The following TRIB3 variants were observed in gnomAD, a reference collection of about 807,000 sequenced individuals.
The protein encoded by TRIB3 is tribbles homolog 3.
In TRIB3, 20 loss-of-function variants were observed where a neutral mutation model predicts 16.6. The observed-to-expected ratio is 1.20, with a 90% CI of 0.85 to 1.75. The LOEUF (loss-of-function observed/expected upper bound fraction) is 1.75, where lower values mean the gene tolerates loss of function less well. Ranked by LOEUF, TRIB3 falls within the 40% of genes most tolerant of loss-of-function variation. The pLI, the probability that TRIB3 is intolerant of heterozygous loss-of-function variation, is 0.00. For missense variants in TRIB3, 484 were observed against 488.9 expected (o/e 0.99, Z 0.10); for synonymous variants, 208 against 217.0 (o/e 0.96, Z 0.36).
Position 396,606 on chromosome 20 carries a change from G to A in TRIB3, c.993G>A (p.Glu331=). ...PLAPTRSHLW[E]AAQVVPDGLG... The stretch of plus-strand genomic sequence containing the variant: ...CCCCAACCCGATCCCATCTCTGGGA[G>A]GCTGCCCAGGTGGTCCCTGATGGAC... The change falls in exon 4 of 4, where the codon GAG becomes GAA. Residue 331 remains glutamate (E), a synonymous_variant. Coordinates refer to ENST00000217233, the MANE Select transcript of TRIB3 (RefSeq NM_021158.5). 1.2e-6 allele frequency: 2 copies of A among 1,613,128 alleles called. No homozygotes were observed. Among genetic ancestry groups the A allele is most frequent in the Non-Finnish European group, 1.7e-6 (2 of 1,180,034 alleles).
rs1362303160 is a variant in TRIB3 at position 388,610 on chromosome 20, A to C, written c.291+309A>C. On this transcript the variant is annotated intron_variant, in intron 2 of 3. Transcript: ENST00000217233. The stretch of plus-strand genomic sequence containing the variant: ...GGTAGAAGTGGGAGATGGGAGTTGC[A>C]GGCAGGGGGAACAGCTGTTCAAAGG... Among the ~76,000 whole-genome samples the C allele has an allele frequency of 2.6e-3, 393 of 152,226 alleles. 2 individuals are homozygous for C. Among genetic ancestry groups the C allele is most frequent in the African/African-American group, 8.9e-3 (370 of 41,560 alleles).
chr20:388,420 G>T, intron 2 of TRIB3, 119 bp downstream of exon 2: 1 of 1,303,804 alleles, frequency 7.7e-7, no homozygotes. Flanking sequence ...TTTGTTTAGT[G>T]GGGAAGCATC....
At chr20:381,992 G>A (rs2014667907) in intron 1 of TRIB3, among the ~76,000 whole-genome samples, 1 of 152,136 alleles carries the variant, frequency 6.6e-6, no homozygotes, top group Non-Finnish European at 1.5e-5. Flanking sequence ...TCGGACACCC[G>A]CCGCCTTTCG....
rs35051116 is a variant in TRIB3, at chr20:391,453, G to A, written c.458G>A (p.Arg153His). 0.015 allele frequency: 23,995 copies of A among 1,613,806 alleles called. 315 individuals carry two copies. Among genetic ancestry groups the A allele is most frequent in the Admixed American group, 0.052 (3,122 of 59,992 alleles). ...CACAGCCTGGTGCGAAGCCGCCACCGTATCCCTGAGCCTGAGGCTGCCGTG... is the reference window on the plus strand; with the variant it reads ...CACAGCCTGGTGCGAAGCCGCCACCATATCCCTGAGCCTGAGGCTGCCGTG... The part of the protein sequence containing the change: ...DMHSLVRSRH[R>H]IPEPEAAVLF... Residue 153 changes from arginine to histidine, a missense_variant, in exon 3 of 4, where the codon CGT (arginine) becomes CAT (histidine). By Grantham distance (29) the Arg-to-His change is conservative. Coordinates refer to ENST00000217233, the MANE Select transcript of TRIB3 (RefSeq NM_021158.5).
chr20:392,697 C>G (rs1242828156), intron 3 of TRIB3, among the ~76,000 whole-genome samples: 1 of 151,982 alleles, frequency 6.6e-6, no homozygotes, highest in Non-Finnish European at 1.5e-5. Flanking sequence ...GCTGGGACTA[C>G]AGGCATGCGC....
intron 3 of TRIB3, among the ~76,000 whole-genome samples, chr20:392,259 G>A (rs897294450): frequency 1.3e-5 from 2 of 152,128 alleles, no homozygotes; most frequent in Non-Finnish European, 2.9e-5. Flanking sequence ...CAGAATAAAT[G>A]GTAGAGCTGG....
chr20:388,798 T>C (rs1258708547), intron 2 of TRIB3, among the ~76,000 whole-genome samples: 5 of 152,102 alleles, frequency 3.3e-5, no homozygotes, highest in Non-Finnish European at 7.4e-5. Flanking sequence ...CTACTGAAGA[T>C]GTTTGCACAA....
chr20:391,169 G>T, intron 2 of TRIB3, 118 bp from the exon 3 acceptor site: 18 of 1,146,656 alleles, frequency 1.6e-5, no homozygotes, highest in Non-Finnish European at 2.2e-5. Flanking sequence ...GGTCAGTGAA[G>T]CGCTTGGTGC....
intron 3 of TRIB3, among the ~76,000 whole-genome samples, chr20:392,601 G>C (rs2015011548): frequency 6.6e-6 from 1 of 151,804 alleles, no homozygotes; most frequent in Non-Finnish European, 1.5e-5. Context: ...CTGTCACCCA[G>C]GCTGGAATGC....
At chr20:394,563 C>T (rs6051663) in intron 3 of TRIB3, among the ~76,000 whole-genome samples, 20,511 of 151,972 alleles carry the variant, frequency 0.13, 1,587 homozygotes, top group South Asian at 0.35. Flanking sequence ...AGTAGGAGGA[C>T]TGCTTGAGCC....
rs183328803 is a variant in TRIB3 at position 396,570 on chromosome 20, G to C, written c.957G>C (p.Pro319=). The C allele has an allele frequency of 6.2e-7, 1 of 1,613,138 alleles. No homozygotes were observed. The highest frequency in any genetic ancestry group is 8.5e-7 in the Non-Finnish European group (1 of 1,180,022). Residue 319 remains proline (P), a synonymous_variant, in exon 4 of 4, where the codon CCG becomes CCC. Transcript: ENST00000217233. ...TGCACCCCTGGCTGCGACAGGACCC[G>C]ATGCCCTTAGCCCCAACCCGATCCC... ...ILLHPWLRQD[P]MPLAPTRSHL...
chr20:390,763 A>C (rs2014949264), intron 2 of TRIB3, among the ~76,000 whole-genome samples: 1 of 152,186 alleles, frequency 6.6e-6, no homozygotes, highest in Non-Finnish European at 1.5e-5. Context: ...GCCCTTTGGA[A>C]GGCTGAGGCG....
intron 2 of TRIB3, among the ~76,000 whole-genome samples, chr20:390,699 C>G (rs1338663158): frequency 2.0e-5 from 3 of 151,986 alleles, no homozygotes; most frequent in Non-Finnish European, 4.4e-5. Flanking sequence ...TATAGCGTAG[C>G]AGTTAAGAGC....
chr20:383,609 A>AT (rs1209148275), intron 1 of TRIB3, among the ~76,000 whole-genome samples: 19 of 149,954 alleles, frequency 1.3e-4, no homozygotes, highest in East Asian at 2.0e-4. Flanking sequence ...TGACCAGATA[A>AT]TTTTTTTTTT....
intron 1 of TRIB3, among the ~76,000 whole-genome samples, chr20:382,122 T>TGTGC (rs1278065980): frequency 7.2e-5 from 10 of 138,404 alleles, no homozygotes; most frequent in Non-Finnish European, 1.1e-4. Flanking sequence ...TGTGTGTGTG[T>TGTGC]GTGTGCGTGC....
At chr20:385,238 G>C (rs1415144939) in intron 1 of TRIB3, among the ~76,000 whole-genome samples, 1 of 152,046 alleles carries the variant, frequency 6.6e-6, no homozygotes, top group East Asian at 1.9e-4. Context: ...TCAGACTCCT[G>C]AGTAGCTGGG....
In TRIB3 at chr20:391,522, A is replaced by G. The variant is rs1352815856; in HGVS notation, c.527A>G (p.His176Arg). The change falls in exon 3 of 4, where the codon CAC becomes CGC. Residue 176 changes from histidine (H) to arginine (R), a missense_variant. His to Arg is a conservative substitution (Grantham distance 29). Coordinates refer to ENST00000217233, the MANE Select transcript of TRIB3 (RefSeq NM_021158.5). ...MATALAHCHQHGLVLRDLKLC... is the reference protein window; with the variant it reads ...MATALAHCHQRGLVLRDLKLC... ...ACCGCCCTGGCGCACTGTCACCAGC[A>G]CGGTCTGGTCCTGCGTGATCTCAAG... is the stretch of plus-strand genomic sequence containing the variant. The G allele has an allele frequency of 6.2e-7, 1 of 1,613,632 alleles. No homozygotes were observed. Among genetic ancestry groups the G allele is most frequent in the South Asian group, 1.1e-5 (1 of 91,070 alleles).
At chr20:382,126 T>TGTGTGTGTGTGTGC (rs1374416475) in intron 1 of TRIB3, among the ~76,000 whole-genome samples, 11 of 83,958 alleles carry the variant, frequency 1.3e-4, no homozygotes, top group African/African-American at 4.2e-4. Context: ...TGTGTGTGTG[T>TGTGTGTGTGTGTGC]GCGTGCGCGC....
At chr20:392,722 C>T (rs1439055789) in intron 3 of TRIB3, among the ~76,000 whole-genome samples, 2 of 151,820 alleles carry the variant, frequency 1.3e-5, no homozygotes, top group East Asian at 3.9e-4. Context: ...ATGCCTGGCT[C>T]ATTTTTTCTA....
Sources: gnomAD v4.1 joint callset for allele counts (sites outside exome capture counted in the v4.1 genomes callset) on GRCh38, gnomAD v4.1.1 for gene constraint, MANE v1.5 for transcripts, NCBI Gene and HGNC (gene_info 2026-07-23, HGNC 2026-07-21) for gene names.